The following SDC2 variants were observed in gnomAD, a reference collection of about 807,000 sequenced individuals.
The protein encoded by SDC2 is syndecan 2.
A neutral mutation model predicts 22.2 loss-of-function variants in SDC2; 13 were observed. That is an observed-to-expected ratio of 0.59 (90% CI 0.38 to 0.93). The LOEUF (loss-of-function observed/expected upper bound fraction) is 0.93, where lower values mean the gene tolerates loss of function less well. Among genes scored for constraint, SDC2 ranks in the 40% least tolerant of loss-of-function variants. SDC2 has a pLI of 0.00. For synonymous variants in SDC2, 94 were observed against 92.8 expected (o/e 1.01, Z -0.07); for missense variants, 235 against 246.8 (o/e 0.95, Z 0.32).
intron 1 of SDC2, among the ~76,000 whole-genome samples, chr8:96,534,198 A>T (rs923177725): frequency 6.6e-6 from 1 of 151,668 alleles, no homozygotes; most frequent in African/African-American, 2.4e-5. Context: ...CTCCCTCCAC[A>T]CCTCCCTGCA....
intron 1 of SDC2, among the ~76,000 whole-genome samples, chr8:96,514,645 GT>G (rs1044696513): frequency 1.6e-4 from 24 of 152,286 alleles, no homozygotes; most frequent in African/African-American, 5.8e-4. Flanking sequence ...ATGGGAGACA[GT>G]TTTTCCACAG....
chr8:96,554,259 A>G (rs1288519422), intron 1 of SDC2, among the ~76,000 whole-genome samples: 1 of 152,216 alleles, frequency 6.6e-6, no homozygotes, highest in Non-Finnish European at 1.5e-5. Context: ...GTGTATTGAA[A>G]TACGTATTTG....
intron 1 of SDC2, chr8:96,538,932 A>C (rs1446827280): frequency 6.6e-6 from 1 of 152,212 alleles, no homozygotes; most frequent in Admixed American, 6.5e-5. Flanking sequence ...CATCCCTATG[A>C]AAGTCTTAGG....
chr8:96,564,985 A>G (rs1338919265), intron 1 of SDC2, among the ~76,000 whole-genome samples: 1 of 150,600 alleles, frequency 6.6e-6, no homozygotes, highest in Non-Finnish European at 1.5e-5. Context: ...GCCTAGGTAT[A>G]TTTATTCTTT....
At chr8:96,499,945 A>T (rs962915482) in intron 1 of SDC2, among the ~76,000 whole-genome samples, 2 of 152,196 alleles carry the variant, frequency 1.3e-5, no homozygotes, top group Non-Finnish European at 2.9e-5. Flanking sequence ...TTGACACTGC[A>T]TGCTGAAGTG....
At chr8:96,602,238 G>A (rs908316088) in intron 2 of SDC2, among the ~76,000 whole-genome samples, 157 bp from the exon 3 acceptor site, 1 of 152,194 alleles carries the variant, frequency 6.6e-6, no homozygotes, top group African/African-American at 2.4e-5. Context: ...TCTTCATCAT[G>A]GTGAAGACCA....
At chr8:96,542,759 G>C (rs1813872143) in intron 1 of SDC2, among the ~76,000 whole-genome samples, 2 of 152,138 alleles carry the variant, frequency 1.3e-5, no homozygotes, top group South Asian at 4.1e-4. Context: ...TATTAAATAT[G>C]AGATTTTCCA....
At chr8:96,602,592 G>C in intron 3 of SDC2, 64 bp downstream of exon 3, 1 of 1,531,478 alleles carries the variant, frequency 6.5e-7, no homozygotes, top group Non-Finnish European at 9.0e-7. Flanking sequence ...TTTACTGACT[G>C]TACACAACAG....
intron 1 of SDC2, among the ~76,000 whole-genome samples, chr8:96,498,335 C>T (rs1813106067): frequency 6.6e-6 from 1 of 152,122 alleles, no homozygotes; most frequent in Admixed American, 6.5e-5. Flanking sequence ...GCCAACCGGC[C>T]CCAGAATGCC....
At chr8:96,553,342 T>C (rs936145751) in intron 1 of SDC2, among the ~76,000 whole-genome samples, 1 of 152,144 alleles carries the variant, frequency 6.6e-6, no homozygotes, top group Non-Finnish European at 1.5e-5. Context: ...ATTTTAATAT[T>C]GTTTTATTTT....
intron 1 of SDC2, among the ~76,000 whole-genome samples, chr8:96,500,443 C>T (rs898481201): frequency 1.3e-5 from 2 of 151,978 alleles, no homozygotes; most frequent in East Asian, 3.9e-4. Context: ...GGGCCAATCA[C>T]CTGAGGTCAG....
intron 3 of SDC2, 147 bp downstream of exon 3, chr8:96,602,675 A>G (rs1172608673): frequency 1.2e-6 from 1 of 800,882 alleles, no homozygotes. Flanking sequence ...CTTTTAAAAG[A>G]CCCCACTTAA....
intron 1 of SDC2, among the ~76,000 whole-genome samples, chr8:96,569,071 A>G (rs1814347428): frequency 6.6e-6 from 1 of 152,208 alleles, no homozygotes; most frequent in South Asian, 2.1e-4. Flanking sequence ...GTACAGTGGC[A>G]CAATTATGGC....
intron 2 of SDC2, among the ~76,000 whole-genome samples, chr8:96,596,691 A>G (rs1331497461): frequency 1.3e-5 from 2 of 152,248 alleles, no homozygotes; most frequent in Non-Finnish European, 2.9e-5. Context: ...TTGGTTAAAG[A>G]TGGCAGATCG....
chr8:96,570,013 G>T (rs1814365474), intron 1 of SDC2, among the ~76,000 whole-genome samples: 1 of 152,220 alleles, frequency 6.6e-6, no homozygotes, highest in South Asian at 2.1e-4. Flanking sequence ...ATATATTCGT[G>T]TGATTTGTTG....
At chr8:96,505,398 G>C (rs565863520) in intron 1 of SDC2, among the ~76,000 whole-genome samples, 1 of 152,210 alleles carries the variant, frequency 6.6e-6, no homozygotes, top group Non-Finnish European at 1.5e-5. Flanking sequence ...CTGCCTCCCA[G>C]GTTCAAGCCA....
intron 2 of SDC2, among the ~76,000 whole-genome samples, chr8:96,599,619 C>T (rs1814942999): frequency 6.6e-6 from 1 of 152,002 alleles, no homozygotes. Context: ...ATATATGTAC[C>T]TTCGTGGGTT....
chr8:96,608,580 A>C (rs1338069122), intron 4 of SDC2, 110 bp downstream of exon 4: 4 of 999,028 alleles, frequency 4.0e-6, no homozygotes, highest in Non-Finnish European at 5.8e-6. Flanking sequence ...TGCTGAAAGC[A>C]GTCTTGTGGG....
chr8:96,522,321 G>A (rs1263237923), intron 1 of SDC2, among the ~76,000 whole-genome samples: 1 of 151,936 alleles, frequency 6.6e-6, no homozygotes, highest in African/African-American at 2.4e-5. Flanking sequence ...TGTTGGATGA[G>A]CTTTTGAAGT....
Sources: allele counts gnomAD v4.1 joint callset (sites outside exome capture counted in the v4.1 genomes callset), GRCh38; gene constraint gnomAD v4.1.1; transcripts MANE v1.5; gene names NCBI Gene and HGNC (gene_info 2026-07-23, HGNC 2026-07-21).